PDE10A: variants seen among roughly 807,000 people sequenced by gnomAD.
The protein encoded by PDE10A is cAMP and cAMP-inhibited cGMP 3',5'-cyclic phosphodiesterase 10A.
Under a neutral mutation model 97.7 loss-of-function variants are expected in PDE10A, and 39 were observed. The observed-to-expected ratio is 0.40, with a 90% CI of 0.31 to 0.52. The LOEUF is 0.52. Among genes scored for constraint, PDE10A ranks in the 20% least tolerant of loss-of-function variants. PDE10A has a pLI of 0.56. For missense variants in PDE10A, 731 were observed against 1,047.8 expected (o/e 0.70, Z 4.17); for synonymous variants, 371 against 376.8 (o/e 0.98, Z 0.18).
chr6:165,958,299 C>T (rs1583347341), intron 1 of PDE10A, among the ~76,000 whole-genome samples: 2 of 151,824 alleles, frequency 1.3e-5, no homozygotes, highest in Admixed American at 6.6e-5. Context: ...CAAAATGACC[C>T]GAATGGGAAA....
At chr6:165,525,856 T>C (rs1782412194) in intron 2 of PDE10A, among the ~76,000 whole-genome samples, 1 of 152,034 alleles carries the variant, frequency 6.6e-6, no homozygotes. Flanking sequence ...ATCATGGTGT[T>C]CCTAGAAGTG....
chr6:165,831,371 C>CAAAAAAAA (rs760962725), intron 1 of PDE10A, among the ~76,000 whole-genome samples: 1 of 44,800 alleles, frequency 2.2e-5, no homozygotes, highest in African/African-American at 9.0e-5. Context: ...GACTCTGTCT[C>CAAAAAAAA]AAAAAAAAAA....
intron 1 of PDE10A, among the ~76,000 whole-genome samples, chr6:165,879,302 T>G (rs1216722109): frequency 6.6e-6 from 1 of 152,066 alleles, no homozygotes; most frequent in African/African-American, 2.4e-5. Flanking sequence ...GCTAAGGGAG[T>G]TCAAGCTGCT....
At chr6:165,473,740 AAT>A (rs1779143438) in intron 3 of PDE10A, among the ~76,000 whole-genome samples, 1 of 152,234 alleles carries the variant, frequency 6.6e-6, no homozygotes, top group Non-Finnish European at 1.5e-5. Context: ...AATAGAAAAA[AAT>A]AAAATAACTA....
intron 1 of PDE10A, chr6:165,773,064 T>G (rs1199038672): frequency 1.3e-5 from 2 of 152,268 alleles, no homozygotes; most frequent in African/African-American, 4.8e-5. Flanking sequence ...AATTTTCATT[T>G]TCTTTTCAGA....
intron 1 of PDE10A, among the ~76,000 whole-genome samples, chr6:165,837,002 G>C (rs1350574046): frequency 1.4e-5 from 2 of 139,430 alleles, no homozygotes; most frequent in African/African-American, 2.7e-5. Context: ...TGAACAATGA[G>C]ATCACATGGA....
chr6:165,778,447 CT>C (rs1778255614), intron 1 of PDE10A, among the ~76,000 whole-genome samples: 1 of 152,212 alleles, frequency 6.6e-6, no homozygotes, highest in Non-Finnish European at 1.5e-5. Flanking sequence ...GCCATCTTCA[CT>C]TCTGTATAAT....
chr6:165,695,140 A>G (rs1320144643), intron 1 of PDE10A, among the ~76,000 whole-genome samples: 3 of 151,748 alleles, frequency 2.0e-5, no homozygotes, highest in Non-Finnish European at 4.4e-5. Flanking sequence ...TAAATTAGAG[A>G]CCAACTTCCA....
chr6:165,659,137 G>A (rs959633904), intron 1 of PDE10A, among the ~76,000 whole-genome samples: 8 of 152,042 alleles, frequency 5.3e-5, no homozygotes, highest in African/African-American at 1.4e-4. Context: ...GGACAGAAGC[G>A]GAGCTGGCAT....
chr6:165,979,657 A>G (rs1424362046), intron 1 of PDE10A, among the ~76,000 whole-genome samples: 1 of 152,176 alleles, frequency 6.6e-6, no homozygotes, highest in Non-Finnish European at 1.5e-5. Flanking sequence ...CAGGGACAAA[A>G]CGGTACAAGG....
At chr6:165,559,767 G>A (rs1269300691) in intron 1 of PDE10A, among the ~76,000 whole-genome samples, 1 of 152,060 alleles carries the variant, frequency 6.6e-6, no homozygotes, top group Non-Finnish European at 1.5e-5. Context: ...TGAATCTTGG[G>A]GCCAGTTTCC....
In PDE10A at chr6:165,785,082, A is replaced by G. The variant is rs576241402; in HGVS notation, c.-615+202447T>C. Among the ~76,000 whole-genome samples, 9 of 152,362 alleles carry G rather than the reference A, an allele frequency of 5.9e-5. 1 individual carries two copies. In the South Asian group the frequency reaches 1.9e-3, roughly 32 times the overall value. The stretch of plus-strand genomic sequence containing the variant: ...GGATAATTTCTTGGGAGTCTCAAAG[A>G]CATGAATTCTTTCATCACTGCTTTG... On this transcript the variant is annotated intron_variant, in intron 1 of 19. Transcript: ENST00000366882.
chr6:165,884,374 T>C (rs1172254355), intron 1 of PDE10A, among the ~76,000 whole-genome samples: 2 of 152,164 alleles, frequency 1.3e-5, no homozygotes, highest in East Asian at 3.8e-4. Flanking sequence ...CCATCTTAGT[T>C]ACTACTTAAA....
chr6:165,944,845 T>C (rs183100696), intron 1 of PDE10A, among the ~76,000 whole-genome samples: 1 of 152,328 alleles, frequency 6.6e-6, no homozygotes, highest in East Asian at 1.9e-4. Flanking sequence ...AAAAAGTATC[T>C]TCTATACTTA....
At chr6:165,958,606 A>AAAGG (rs529963460) in intron 1 of PDE10A, among the ~76,000 whole-genome samples, 13 of 148,210 alleles carry the variant, frequency 8.8e-5, no homozygotes, top group African/African-American at 3.4e-4. Flanking sequence ...AGAAAGAGAG[A>AAAGG]AAGGAAGGAA....
At chr6:165,592,598 T>A (rs1786343878) in intron 1 of PDE10A, among the ~76,000 whole-genome samples, 1 of 151,976 alleles carries the variant, frequency 6.6e-6, no homozygotes, top group Non-Finnish European at 1.5e-5. Context: ...TTTAAACAAA[T>A]TTACGAGAAA....
At chr6:165,452,856 G>C (rs896093075) in intron 3 of PDE10A, among the ~76,000 whole-genome samples, 41 of 150,316 alleles carry the variant, frequency 2.7e-4, no homozygotes, top group African/African-American at 1.0e-3. Flanking sequence ...AAAGAACCTA[G>C]ACTGCAATAA....
At chr6:165,603,874 C>T (rs1263953995) in intron 1 of PDE10A, among the ~76,000 whole-genome samples, 1 of 152,224 alleles carries the variant, frequency 6.6e-6, no homozygotes, top group Non-Finnish European at 1.5e-5. Context: ...TATGCAACAA[C>T]TGAATACCCA....
intron 13 of PDE10A, among the ~76,000 whole-genome samples, chr6:165,412,462 T>G (rs1348594306): frequency 1.3e-5 from 2 of 152,188 alleles, no homozygotes; most frequent in Non-Finnish European, 2.9e-5. Context: ...CTGTCAACAT[T>G]ATTTATGAGA....
Sources: allele counts gnomAD v4.1 joint callset (sites outside exome capture counted in the v4.1 genomes callset), GRCh38; gene constraint gnomAD v4.1.1; transcripts MANE v1.5; gene names NCBI Gene and HGNC (gene_info 2026-07-23, HGNC 2026-07-21).